The following AFG1L variants were observed in gnomAD, a reference collection of about 807,000 sequenced individuals.
AFG1L encodes the protein AFG1 like ATPase.
Under a neutral mutation model 62.2 loss-of-function variants are expected in AFG1L, and 53 were observed. The observed-to-expected ratio is 0.85, with a 90% confidence interval of 0.68 to 1.07. The LOEUF is 1.07. AFG1L is among the 50% of genes least tolerant of loss of function. The pLI is 0.00. For missense variants in AFG1L, 555 were observed against 590.5 expected, an observed-to-expected ratio of 0.94 and a Z score of 0.62; for synonymous variants, 228 against 210.3, an observed-to-expected ratio of 1.08 and a Z score of -0.73.
chr6:108,379,873 C>A (rs1780421025), intron 6 of AFG1L, among the ~76,000 whole-genome samples: 1 of 149,826 alleles, frequency 6.7e-6, no homozygotes, highest in African/African-American at 2.5e-5. Context: ...TGAGAGGGTG[C>A]TCTGAATGCC....
At chr6:108,395,957 C>T (rs1781282232) in intron 6 of AFG1L, among the ~76,000 whole-genome samples, 1 of 152,122 alleles carries the variant, frequency 6.6e-6, no homozygotes, top group Non-Finnish European at 1.5e-5. Flanking sequence ...ATCCTCCTAC[C>T]TCACCTTCCA....
intron 1 of AFG1L, among the ~76,000 whole-genome samples, chr6:108,322,322 A>T (rs1018200433): frequency 6.6e-6 from 1 of 152,154 alleles, no homozygotes; most frequent in Non-Finnish European, 1.5e-5. Context: ...GCTTCATTCA[A>T]CATTCTGTGT....
intron 7 of AFG1L, among the ~76,000 whole-genome samples, chr6:108,426,212 A>T (rs1029021509): frequency 1.3e-5 from 2 of 152,112 alleles, no homozygotes; most frequent in Admixed American, 1.3e-4. Context: ...TTGTGTAATT[A>T]TAGTGCACTT....
chr6:108,407,689 A>G (rs1781918726), intron 7 of AFG1L, among the ~76,000 whole-genome samples: 1 of 80,280 alleles, frequency 1.2e-5, no homozygotes, highest in African/African-American at 1.3e-4. Flanking sequence ...TGTCTCTGGA[A>G]ATTAAAAAAA....
chr6:108,416,860 A>G (rs1484054333), intron 7 of AFG1L, among the ~76,000 whole-genome samples: 2 of 152,050 alleles, frequency 1.3e-5, no homozygotes, highest in African/African-American at 4.8e-5. Context: ...CCAACTTGGC[A>G]CATGTATAGA....
chr6:108,409,522 G>T (rs1018016203), intron 7 of AFG1L, among the ~76,000 whole-genome samples: 2 of 152,074 alleles, frequency 1.3e-5, no homozygotes, highest in Admixed American at 6.6e-5. Context: ...TTTGGAGGAA[G>T]AACTACCTCA....
intron 7 of AFG1L, among the ~76,000 whole-genome samples, chr6:108,418,739 C>T (rs1420419678): frequency 6.6e-6 from 1 of 152,100 alleles, no homozygotes; most frequent in Non-Finnish European, 1.5e-5. Context: ...CAATTTCATA[C>T]ATTTAAAAGG....
chr6:108,482,646 C>T (rs1264240904), intron 10 of AFG1L, among the ~76,000 whole-genome samples: 1 of 152,106 alleles, frequency 6.6e-6, no homozygotes, highest in Non-Finnish European at 1.5e-5. Context: ...CAGTTTCTCA[C>T]AGACTTTTCG....
At chr6:108,448,122 A>G (rs1771891632) in intron 8 of AFG1L, among the ~76,000 whole-genome samples, 1 of 152,228 alleles carries the variant, frequency 6.6e-6, no homozygotes. Flanking sequence ...AGCAGAAATT[A>G]GCTAGAAAAA....
chr6:108,373,252 G>A (rs190875189), intron 6 of AFG1L, among the ~76,000 whole-genome samples: 54 of 152,072 alleles, frequency 3.6e-4, no homozygotes, highest in African/African-American at 1.1e-3. Flanking sequence ...ATGAGTACCC[G>A]ATGTCTAGCT....
chr6:108,467,249 C>CTT lies in AFG1L; in HGVS notation c.891-9602_891-9601dup, dbSNP rs56898379. Among the ~76,000 whole-genome samples the CTT allele has an allele frequency of 1.1e-3, 158 of 142,000 alleles. 1 individual carries two copies. The highest frequency in any genetic ancestry group is 3.4e-3 in the African/African-American group (133 of 38,798). The allele number at this position is 142,000 out of a possible 152,430, so 93.2% of individuals were successfully genotyped here. On this transcript the variant is annotated intron_variant, in intron 8 of 12. Coordinates refer to ENST00000368977, the MANE Select transcript of AFG1L (RefSeq NM_145315.5). ...ACATATTAAATATTTGAGGTACTTA[C>CTT]TTTTTTTTTTTTTTTGAGGTGGAGT...
At chr6:108,463,572 G>A (rs1772550306) in intron 8 of AFG1L, among the ~76,000 whole-genome samples, 1 of 152,150 alleles carries the variant, frequency 6.6e-6, no homozygotes, top group African/African-American at 2.4e-5. Context: ...TTATATGGGA[G>A]TTTGTGGCTG....
chr6:108,333,680 T>G (rs77334373), intron 2 of AFG1L, among the ~76,000 whole-genome samples: 4 of 152,126 alleles, frequency 2.6e-5, no homozygotes, highest in Non-Finnish European at 4.4e-5. Context: ...GTATTTTTTT[T>G]CAGAAATAAC....
chr6:108,461,457 C>A (rs1772459528), intron 8 of AFG1L, among the ~76,000 whole-genome samples: 1 of 152,010 alleles, frequency 6.6e-6, no homozygotes, highest in African/African-American at 2.4e-5. Flanking sequence ...GCTGTTTCTT[C>A]TTGTTTGTTT....
chr6:108,416,111 G>A (rs900874471), intron 7 of AFG1L, among the ~76,000 whole-genome samples: 31 of 152,274 alleles, frequency 2.0e-4, no homozygotes, highest in African/African-American at 7.2e-4. Context: ...AGTGGGTGAA[G>A]GATATGAACA....
intron 12 of AFG1L, 29 bp downstream of exon 12, chr6:108,519,839 A>C (rs750219894): frequency 1.4e-6 from 2 of 1,388,050 alleles, no homozygotes; most frequent in Admixed American, 3.8e-5. Flanking sequence ...ATCTCTTTTT[A>C]TTATAAAACA....
intron 6 of AFG1L, among the ~76,000 whole-genome samples, chr6:108,392,542 A>T (rs1781103087): frequency 6.6e-6 from 1 of 152,158 alleles, no homozygotes; most frequent in South Asian, 2.1e-4. Flanking sequence ...AAGACATAGT[A>T]GAATTCATCA....
intron 5 of AFG1L, among the ~76,000 whole-genome samples, chr6:108,360,926 A>G (rs1460958512): frequency 6.6e-6 from 1 of 152,308 alleles, no homozygotes; most frequent in Non-Finnish European, 1.5e-5. Flanking sequence ...GAGCCTTTGC[A>G]CTGGGGATTC....
chr6:108,473,300 A>G (rs1434401317), intron 8 of AFG1L, among the ~76,000 whole-genome samples: 1 of 152,178 alleles, frequency 6.6e-6, no homozygotes, highest in Non-Finnish European at 1.5e-5. Context: ...CATTTTGATA[A>G]TATAGTATAT....
Sources: gnomAD v4.1 joint callset for allele counts (sites outside exome capture counted in the v4.1 genomes callset) on GRCh38, gnomAD v4.1.1 for gene constraint, MANE v1.5 for transcripts, NCBI Gene and HGNC (gene_info 2026-07-23, HGNC 2026-07-21) for gene names.